The following PBX4 variants were observed in gnomAD, a reference collection of about 807,000 sequenced individuals.
PBX4 encodes pre-B-cell leukemia transcription factor 4.
A neutral mutation model predicts 35.1 loss-of-function variants in PBX4; 26 were observed. That is an observed-to-expected ratio of 0.74 (90% CI 0.54 to 1.03). The LOEUF (loss-of-function observed/expected upper bound fraction) is 1.03. Among genes scored for constraint, PBX4 ranks in the 50% least tolerant of loss-of-function variants. PBX4 has a pLI of 0.00. For missense variants in PBX4, 448 were observed against 504.3 expected (o/e 0.89, Z 1.07); for synonymous variants, 199 against 204.2 (o/e 0.97, Z 0.22).
intron 2 of PBX4, among the ~76,000 whole-genome samples, chr19:19,573,892 G>A (rs952791079): frequency 2.0e-5 from 3 of 152,078 alleles, no homozygotes; most frequent in African/African-American, 7.2e-5. Context: ...ACCATGCCTG[G>A]CTAATTTTTG....
chr19:19,566,409 A>T (rs965703356), intron 5 of PBX4, among the ~76,000 whole-genome samples: 7 of 152,266 alleles, frequency 4.6e-5, no homozygotes, highest in Non-Finnish European at 1.0e-4. Flanking sequence ...GCCTTCCTAC[A>T]GGCATGGAGA....
intron 1 of PBX4, 150 bp from the exon 2 acceptor site, chr19:19,599,515 C>A: frequency 1.6e-6 from 1 of 632,010 alleles, no homozygotes; most frequent in Non-Finnish European, 2.9e-6. Context: ...GCAGTACAAT[C>A]ATATTTCATG....
chr19:19,567,373 A>G (rs1408590409), intron 5 of PBX4, among the ~76,000 whole-genome samples: 1 of 152,202 alleles, frequency 6.6e-6, no homozygotes, highest in African/African-American at 2.4e-5. Flanking sequence ...GAGGGGTTCC[A>G]ATTGCTCTCT....
At chr19:19,578,352 G>A (rs2061433215) in intron 2 of PBX4, among the ~76,000 whole-genome samples, 1 of 152,172 alleles carries the variant, frequency 6.6e-6, no homozygotes, top group South Asian at 2.1e-4. Flanking sequence ...GCCTACAACA[G>A]CTTCCTCAGC....
rs117253668 is a variant in PBX4, at chr19:19,613,186, C to G, written c.119+5325G>C. ...AAATGGTAAAGAAGTAACTGGCTGG[C>G]AGGGCGTGGTGGTTTATGCCTGTAA... is the stretch of plus-strand genomic sequence containing the variant. On this transcript the variant is annotated intron_variant, in intron 1 of 7. Coordinates refer to ENST00000251203, the MANE Select transcript of PBX4 (RefSeq NM_025245.3). Among the ~76,000 whole-genome samples the G allele has an allele frequency of 1.2e-3, 184 of 150,926 alleles. 5 individuals are homozygous for G. In the East Asian group the frequency reaches 0.034, roughly 28 times the overall value.
chr19:19,570,682 G>A lies in PBX4; in HGVS notation c.345C>T (p.Gly115=), dbSNP rs1441823034. The A allele has an allele frequency of 6.2e-7, 1 of 1,614,194 alleles. No homozygotes were observed. Residue 115 remains glycine, a synonymous_variant, in exon 3 of 8, where the codon GGC becomes GGT. Coordinates refer to ENST00000251203, the MANE Select transcript of PBX4 (RefSeq NM_025245.3). ...GCTCAATGCTATTGTCATTTGGACAGCCACCTGGTGTTGCTGTGCCGGCCC... is the reference window on the plus strand; with the variant it reads ...GCTCAATGCTATTGTCATTTGGACAACCACCTGGTGTTGCTGTGCCGGCCC... The part of the protein sequence containing the change: ...VARAGTATPG[G]CPNDNSIEHS...
chr19:19,595,371 T>G (rs1466165289), intron 2 of PBX4, among the ~76,000 whole-genome samples: 2 of 152,094 alleles, frequency 1.3e-5, no homozygotes, highest in African/African-American at 2.4e-5. Context: ...TGGGGCTCAT[T>G]CGGGTACAGG....
chr19:19,589,351 C>T (rs1454716531), intron 2 of PBX4, among the ~76,000 whole-genome samples: 1 of 151,808 alleles, frequency 6.6e-6, no homozygotes, highest in African/African-American at 2.4e-5. Flanking sequence ...TGGCATGAAC[C>T]CGAACCCAGG....
chr19:19,616,042 A>T (rs1203064206), intron 1 of PBX4, among the ~76,000 whole-genome samples: 1 of 152,118 alleles, frequency 6.6e-6, no homozygotes, highest in African/African-American at 2.4e-5. Context: ...ACCAGACCCT[A>T]GTCCCATACC....
At chr19:19,564,828 A>G in intron 6 of PBX4, 105 bp downstream of exon 6, 1 of 1,385,990 alleles carries the variant, frequency 7.2e-7, no homozygotes, top group Admixed American at 1.9e-5. Context: ...CACAGAGTTG[A>G]CCACTGGGGG....
At position 19,599,375 on chromosome 19, in the gene PBX4, A is replaced by C; in HGVS notation, c.120-10T>G. On this transcript the variant is annotated splice_polypyrimidine_tract_variant and intron_variant, in intron 1 of 7. Coordinates refer to ENST00000251203, the MANE Select transcript of PBX4 (RefSeq NM_025245.3). ...ATTCAGAGCATGCTTTCTGAAAGGG[A>C]GGTGACAGAGGAGGGTGTGAGAAAA... The C allele has an allele frequency of 6.2e-7, 1 of 1,608,612 alleles. No homozygotes were observed. Among genetic ancestry groups the C allele is most frequent in the Non-Finnish European group, 8.5e-7 (1 of 1,175,232 alleles).
chr19:19,617,326 G>T (rs1197724438), intron 1 of PBX4, among the ~76,000 whole-genome samples: 3 of 151,872 alleles, frequency 2.0e-5, no homozygotes, highest in Non-Finnish European at 4.4e-5. Flanking sequence ...TTTTGCTTTT[G>T]TTTGAGACAG....
At chr19:19,618,426 G>A in intron 1 of PBX4, 85 bp downstream of exon 1, 1 of 1,250,134 alleles carries the variant, frequency 8.0e-7, no homozygotes, top group South Asian at 2.0e-5. Flanking sequence ...CCCCTCGTCA[G>A]TCTGGCCTCC....
chr19:19,612,305 C>A (rs1264318379), intron 1 of PBX4, among the ~76,000 whole-genome samples: 2 of 151,984 alleles, frequency 1.3e-5, no homozygotes, highest in African/African-American at 4.8e-5. Context: ...AACAAAAAAC[C>A]CAGGTTTGAA....
chr19:19,572,952 A>G (rs1419309104), intron 2 of PBX4, among the ~76,000 whole-genome samples: 1 of 148,166 alleles, frequency 6.7e-6, no homozygotes, highest in East Asian at 2.0e-4. Flanking sequence ...GATTTTGAAC[A>G]AGAGACAAAA....
chr19:19,595,702 A>C (rs1482684073), intron 2 of PBX4, among the ~76,000 whole-genome samples: 1 of 140,116 alleles, frequency 7.1e-6, no homozygotes, highest in Non-Finnish European at 1.5e-5. Context: ...TTGGAGACCA[A>C]CAGGGGGCAT....
At chr19:19,600,289 G>A (rs888800115) in intron 1 of PBX4, among the ~76,000 whole-genome samples, 1 of 152,144 alleles carries the variant, frequency 6.6e-6, no homozygotes, top group Non-Finnish European at 1.5e-5. Flanking sequence ...CGCTTTGGGA[G>A]GCCAAGGCAG....
In PBX4 at chr19:19,593,334, C is replaced by G. The variant is rs537288274; in HGVS notation, c.193+5958G>C. 1.2e-4 allele frequency among the ~76,000 whole-genome samples: 19 copies of G among 152,350 alleles called. No homozygotes were observed. In the South Asian group the frequency reaches 2.9e-3, roughly 23 times the overall value. On this transcript the variant is annotated intron_variant, in intron 2 of 7. Transcript: ENST00000251203. Reference sequence around the variant, plus strand: ...ATCGAGAAGCACGCCAGGACCCCGGCTCATGGGATTGCCCTTCAAGAGGCG... The same window carrying G: ...ATCGAGAAGCACGCCAGGACCCCGGGTCATGGGATTGCCCTTCAAGAGGCG...
At chr19:19,566,210 G>T (rs1344158596) in intron 5 of PBX4, among the ~76,000 whole-genome samples, 1 of 152,190 alleles carries the variant, frequency 6.6e-6, no homozygotes, top group Admixed American at 6.5e-5. Flanking sequence ...CCAGGGAGGG[G>T]CTTGTCACCT....
Sources: gnomAD v4.1 joint callset for allele counts (sites outside exome capture counted in the v4.1 genomes callset) on GRCh38, gnomAD v4.1.1 for gene constraint, MANE v1.5 for transcripts, NCBI Gene and HGNC (gene_info 2026-07-23, HGNC 2026-07-21) for gene names.